The following SGO1 variants were observed in gnomAD, a reference collection of about 807,000 sequenced individuals.
SGO1 encodes serologically defined breast cancer antigen NY-BR-85.
A neutral mutation model predicts 50.5 loss-of-function variants in SGO1; 39 were observed. The observed-to-expected ratio is 0.77, with a 90% CI of 0.60 to 1.01. The LOEUF (loss-of-function observed/expected upper bound fraction) is 1.01. Ranked by LOEUF, SGO1 falls within the 50% of genes least tolerant of loss-of-function variation. The pLI is 0.00. For missense variants in SGO1, 638 were observed against 606.0 expected, an observed-to-expected ratio of 1.05 and a Z score of -0.55; for synonymous variants, 191 against 205.1, an observed-to-expected ratio of 0.93 and a Z score of 0.59.
chr3:20,165,841 T>C (rs1463225342), downstream of SGO1, among the ~76,000 whole-genome samples: 1 of 152,046 alleles, frequency 6.6e-6, no homozygotes, highest in African/African-American at 2.4e-5. Flanking sequence ...CACTTGATGT[T>C]AGGAGTTTGA....
chr3:20,171,270 AAAAC>A, intron 6 of SGO1, 38 bp from the exon 7 acceptor site: 3 of 1,497,240 alleles, frequency 2.0e-6, no homozygotes, highest in Non-Finnish European at 2.7e-6. Context: ...TTTAAAAAAA[AAAAC>A]CCACACAAAA....
At chr3:20,168,443 T>C (rs1315524257), downstream of SGO1, among the ~76,000 whole-genome samples, 16 of 142,898 alleles carry the variant, frequency 1.1e-4, no homozygotes, top group South Asian at 4.5e-4. Flanking sequence ...TTTTTTTTTT[T>C]CAACTATTTA....
intron 6 of SGO1, among the ~76,000 whole-genome samples, chr3:20,172,715 C>T (rs1350838766): frequency 6.8e-6 from 1 of 148,034 alleles, no homozygotes; most frequent in Non-Finnish European, 1.5e-5. Flanking sequence ...TTTGTAAGGC[C>T]AAGGCAGGAG....
Position 20,174,391 on chromosome 3 carries a change from G to A in SGO1, c.1140C>T (p.Asp380=), listed in dbSNP as rs1271726752. 8.7e-6 allele frequency: 14 copies of A among 1,614,096 alleles called. No individual in the cohort carries two copies. Among genetic ancestry groups the A allele is most frequent in the Non-Finnish European group, 1.2e-5 (14 of 1,180,014 alleles). ...ESSGSGDDSD[D]LYLPTCKYIQ... ...TGTACTTGCAAGTGGGCAAATAGAGGTCATCGGAATCATCTCCTGAACCAC... is the reference window on the plus strand; with the variant it reads ...TGTACTTGCAAGTGGGCAAATAGAGATCATCGGAATCATCTCCTGAACCAC... Residue 380 remains aspartate (D), a synonymous_variant, in exon 6 of 8, where the codon GAC becomes GAT. Coordinates refer to ENST00000412997, the MANE Select transcript of SGO1 (RefSeq NM_001199251.3).
downstream of SGO1, among the ~76,000 whole-genome samples, chr3:20,165,195 G>A (rs1223121905): frequency 6.6e-6 from 1 of 152,202 alleles, no homozygotes; most frequent in Admixed American, 6.5e-5. Context: ...AGATCACACG[G>A]CAAGAAAGGA....
At chr3:20,165,717 T>C (rs1270204860), downstream of SGO1, among the ~76,000 whole-genome samples, 6 of 152,170 alleles carry the variant, frequency 3.9e-5, no homozygotes, top group Admixed American at 3.9e-4. Flanking sequence ...AGAAATTATA[T>C]AGGCAAATTT....
intron 8 of SGO1, among the ~76,000 whole-genome samples, chr3:20,162,715 T>C (rs1700100826): frequency 6.7e-6 from 1 of 148,836 alleles, no homozygotes; most frequent in South Asian, 2.1e-4. Flanking sequence ...ATTATAAATA[T>C]GCTCTAGAAT....
downstream of SGO1, chr3:20,169,472 G>A (rs1700502278): frequency 1.0e-6 from 1 of 980,952 alleles, no homozygotes; most frequent in East Asian, 1.1e-4. Flanking sequence ...AGAATAGAAG[G>A]AAAGCAATCA....
intron 4 of SGO1, among the ~76,000 whole-genome samples, chr3:20,177,000 A>C (rs894729572): frequency 6.6e-6 from 1 of 151,980 alleles, no homozygotes; most frequent in Non-Finnish European, 1.5e-5. Context: ...TGATCACTCA[A>C]CTCTTTAGGA....
chr3:20,184,439 T>G (rs1702389859), intron 1 of SGO1, among the ~76,000 whole-genome samples: 1 of 152,218 alleles, frequency 6.6e-6, no homozygotes. Context: ...CTTACAGCAT[T>G]AGTTCTGAGG....
upstream of SGO1, chr3:20,186,621 T>C (rs1487015651): frequency 6.6e-6 from 1 of 152,178 alleles, no homozygotes; most frequent in Non-Finnish European, 1.5e-5. Flanking sequence ...TTTAGAGGAA[T>C]TAAAACCAAA....
Position 20,170,517 on chromosome 3 carries a change from T to C in SGO1, c.*187A>G, listed in dbSNP as rs373246191. The stretch of plus-strand genomic sequence containing the variant: ...TATTCAAAAGAAAAAATAAATTAAA[T>C]TTATTAAAGTTTTAATACAAAGCAT... On this transcript the variant is annotated 3_prime_UTR_variant, in exon 8 of 8. Coordinates refer to ENST00000412997, the MANE Select transcript of SGO1 (RefSeq NM_001199251.3). The C allele has an allele frequency of 2.3e-4, 275 of 1,184,622 alleles. 2 individuals carry two copies. In the South Asian group the frequency reaches 9.9e-3, roughly 43 times the overall value. The allele number at this position is 1,184,622 out of a possible 1,614,324, so 73.4% of individuals were successfully genotyped here.
rs772727794 is a variant in SGO1 at position 20,174,646 on chromosome 3, TTTCTC to T, written c.880_884del (p.Glu294LysfsTer4). The T allele has an allele frequency of 1.4e-5, 22 of 1,603,650 alleles. No homozygotes were observed. The highest frequency in any genetic ancestry group is 1.8e-5 in the Non-Finnish European group (21 of 1,175,938). Reference sequence around the variant, plus strand: ...TTGATTTTCTCCTGTTAGCTTTTCTTTTCTCTTCTCTTTTTCTTTCTTGTGTATCT... The same window carrying T: ...TTGATTTTCTCCTGTTAGCTTTTCTTTTCTCTTTTTCTTTCTTGTGTATCT... On this transcript the variant is annotated frameshift_variant, in exon 6 of 8. Transcript: ENST00000412997. LOFTEE classifies it high-confidence loss of function.
At chr3:20,161,889 A>C (rs1420919259) in intron 8 of SGO1, among the ~76,000 whole-genome samples, 1 of 152,214 alleles carries the variant, frequency 6.6e-6, no homozygotes, top group Admixed American at 6.5e-5. Context: ...GGAAAATATT[A>C]ATCAACTGTT....
chr3:20,182,282 C>A (rs1209176901), intron 3 of SGO1, among the ~76,000 whole-genome samples: 1 of 152,108 alleles, frequency 6.6e-6, no homozygotes, highest in Non-Finnish European at 1.5e-5. Context: ...ACTGACTTCT[C>A]CTGTCAATGG....
chr3:20,168,172 G>A (rs1700400426), downstream of SGO1, among the ~76,000 whole-genome samples: 1 of 152,160 alleles, frequency 6.6e-6, no homozygotes, highest in Admixed American at 6.5e-5. Flanking sequence ...CTGATTTTAG[G>A]ATAATGATTG....
chr3:20,180,885 G>A (rs1281667662), intron 3 of SGO1, among the ~76,000 whole-genome samples: 3 of 152,214 alleles, frequency 2.0e-5, no homozygotes, highest in Non-Finnish European at 4.4e-5. Context: ...CCAGCACATT[G>A]GGAGGCCAAG....
In SGO1 at chr3:20,174,799, A is replaced by G. The variant is rs571154361; in HGVS notation, c.732T>C (p.Asn244=). 13 of 1,614,082 alleles carry G rather than the reference A, an allele frequency of 8.1e-6. No homozygotes were observed. The East Asian group carries it at 2.9e-4, about 36-fold the overall frequency. The change falls in exon 6 of 8, where the codon AAT becomes AAC. Residue 244 remains asparagine (N), a synonymous_variant. Coordinates refer to ENST00000412997, the MANE Select transcript of SGO1 (RefSeq NM_001199251.3). Reference sequence around the variant, plus strand: ...CTTGGTCCTTGCTCCATTGACAAGCATTGTGTTGTACATTTTCAGGTATGT... The same window carrying G: ...CTTGGTCCTTGCTCCATTGACAAGCGTTGTGTTGTACATTTTCAGGTATGT... ...NMHIPENVQH[N]ACQWSKDQVN...
downstream of SGO1, among the ~76,000 whole-genome samples, chr3:20,165,440 A>C (rs752646369): frequency 6.6e-6 from 1 of 152,232 alleles, no homozygotes; most frequent in Non-Finnish European, 1.5e-5. Flanking sequence ...AAAATCAATA[A>C]AAGCAAAATT....
Sources: allele counts gnomAD v4.1 joint callset (sites outside exome capture counted in the v4.1 genomes callset), GRCh38; gene constraint gnomAD v4.1.1; transcripts MANE v1.5; gene names NCBI Gene and HGNC (gene_info 2026-07-23, HGNC 2026-07-21).